LRRC69: variants seen among roughly 807,000 people sequenced by gnomAD.
The protein encoded by LRRC69 is leucine rich repeat containing 69.
A neutral mutation model predicts 37.8 loss-of-function variants in LRRC69; 42 were observed. The observed-to-expected ratio is 1.11, with a 90% CI of 0.87 to 1.44. The LOEUF (loss-of-function observed/expected upper bound fraction) is 1.44. Ranked by LOEUF, LRRC69 falls within the 40% of genes most tolerant of loss-of-function variation. LRRC69 has a pLI of 0.00. For synonymous variants in LRRC69, 141 were observed against 143.1 expected (o/e 0.99, Z 0.11); for missense variants, 357 against 401.9 (o/e 0.89, Z 0.96).
intron 5 of LRRC69, among the ~76,000 whole-genome samples, chr8:91,180,181 G>A (rs1809300191): frequency 6.6e-6 from 1 of 152,188 alleles, no homozygotes; most frequent in Non-Finnish European, 1.5e-5. Flanking sequence ...TTAGGAATCT[G>A]AGAGTATCTG....
At chr8:91,189,849 A>G (rs1301995720) in intron 6 of LRRC69, among the ~76,000 whole-genome samples, 1 of 152,154 alleles carries the variant, frequency 6.6e-6, no homozygotes, top group African/African-American at 2.4e-5. Context: ...AAATGGAAAT[A>G]TTTTGTAGGA....
At chr8:91,206,904 C>T in intron 7 of LRRC69, 1 of 1,167,468 alleles carries the variant, frequency 8.6e-7, no homozygotes, top group Middle Eastern at 2.3e-4. Context: ...GGAACTCATA[C>T]ATGTTATTCC....
intron 5 of LRRC69, among the ~76,000 whole-genome samples, chr8:91,140,976 G>C (rs1253931509): frequency 5.3e-5 from 8 of 151,812 alleles, no homozygotes; most frequent in Admixed American, 4.6e-4. Flanking sequence ...TTTAATCATT[G>C]GGTGTTCTTC....
Position 91,209,264 on chromosome 8 carries a change from TA to T in LRRC69, c.933+8477del, listed in dbSNP as rs560821206. 4.8e-4 allele frequency among the ~76,000 whole-genome samples: 72 copies of T among 151,114 alleles called. 2 individuals carry two copies. The South Asian group carries it at 0.014, about 30-fold the overall frequency. ...CAACATGGTGAAACCTCGTCTCTAC[TA>T]AAAACACAAAAAAATTAGCCAGACA... On this transcript the variant is annotated intron_variant, in intron 7 of 7. Coordinates refer to ENST00000448384, the Ensembl canonical transcript of LRRC69.
chr8:91,190,951 G>A (rs1809483078), intron 6 of LRRC69, among the ~76,000 whole-genome samples: 2 of 151,712 alleles, frequency 1.3e-5, no homozygotes, highest in Admixed American at 1.3e-4. Context: ...AGCTACTCAG[G>A]AGGCTTGAGC....
intron 7 of LRRC69, chr8:91,209,572 G>A (rs908747501): frequency 8.5e-5 from 13 of 152,248 alleles, no homozygotes; most frequent in African/African-American, 2.4e-4. Flanking sequence ...TTCTTTGGAC[G>A]TGAGGAAGGC....
At chr8:91,133,250 TGAA>T (rs1455521351) in exon 4 of LRRC69, 1 of 1,522,466 alleles carries the variant, frequency 6.6e-7, no homozygotes, top group Non-Finnish European at 8.8e-7. Flanking sequence ...ATTAAATTCT[TGAA>T]GAAGCTTCAG....
At chr8:91,210,020 G>A (rs573021315) in intron 7 of LRRC69, among the ~76,000 whole-genome samples, 4 of 152,242 alleles carry the variant, frequency 2.6e-5, no homozygotes, top group South Asian at 2.1e-4. Flanking sequence ...AAAATGTAAC[G>A]TTAGAAGCAT....
At chr8:91,206,770 G>C (rs1355180659) in intron 7 of LRRC69, 1 of 1,289,690 alleles carries the variant, frequency 7.8e-7, no homozygotes, top group Non-Finnish European at 1.0e-6. Context: ...TGCTAAATAT[G>C]TCACCTGGAA....
intron 4 of LRRC69, among the ~76,000 whole-genome samples, chr8:91,135,312 AGG>A (rs1204245535): frequency 6.6e-6 from 1 of 152,100 alleles, no homozygotes; most frequent in Non-Finnish European, 1.5e-5. Flanking sequence ...GTATGACTTA[AGG>A]GCTTCTATTA....
chr8:91,200,663 C>T lies in LRRC69; in HGVS notation c.804C>T (p.Phe268=), dbSNP rs561654815. ...ATCAGCTAGCAGAAAATAACCCTTTCCTAATGGATGACATAGAACGGTACC... is the reference window on the plus strand; with the variant it reads ...ATCAGCTAGCAGAAAATAACCCTTTTCTAATGGATGACATAGAACGGTACC... The change falls in exon 7 of 8, where the codon TTC becomes TTT. Residue 268 remains phenylalanine, a synonymous_variant. Transcript: ENST00000448384. 12 of 1,474,786 alleles carry T rather than the reference C, an allele frequency of 8.1e-6. No individual in the cohort carries two copies. In the East Asian group the frequency reaches 2.2e-4, roughly 27 times the overall value. 91.4% of individuals were successfully genotyped at this position (1,474,786 alleles called of 1,614,324 possible).
At chr8:91,204,491 C>G (rs1161639079) in intron 7 of LRRC69, among the ~76,000 whole-genome samples, 5 of 152,186 alleles carry the variant, frequency 3.3e-5, no homozygotes, top group Non-Finnish European at 7.3e-5. Context: ...TGGCTGCCTT[C>G]AGGCACACTG....
intron 5 of LRRC69, among the ~76,000 whole-genome samples, chr8:91,165,065 G>C (rs1809004914): frequency 6.6e-6 from 1 of 151,576 alleles, no homozygotes; most frequent in Non-Finnish European, 1.5e-5. Flanking sequence ...GGGAAGGTTG[G>C]TGAATAGACA....
chr8:91,123,688 C>A (rs1813668919), intron 1 of LRRC69, among the ~76,000 whole-genome samples: 1 of 151,798 alleles, frequency 6.6e-6, no homozygotes, highest in East Asian at 1.9e-4. Flanking sequence ...GGTAATTAAA[C>A]CTGAATAGTA....
intron 1 of LRRC69, among the ~76,000 whole-genome samples, chr8:91,123,620 A>G (rs1209665561): frequency 6.6e-6 from 1 of 151,992 alleles, no homozygotes; most frequent in Non-Finnish European, 1.5e-5. Flanking sequence ...TAGTTTGTTA[A>G]AACTTCCAAG....
intron 1 of LRRC69, among the ~76,000 whole-genome samples, chr8:91,107,334 C>T (rs960928245): frequency 3.8e-4 from 58 of 151,342 alleles, no homozygotes; most frequent in African/African-American, 1.3e-3. Flanking sequence ...GACGGGGTTT[C>T]GCCATGTTAG....
At chr8:91,133,333 T>C in intron 4 of LRRC69, 28 bp downstream of exon 4, 2 of 1,463,446 alleles carry the variant, frequency 1.4e-6, no homozygotes, top group Non-Finnish European at 1.8e-6. Context: ...CCACAGTAGT[T>C]TGCTGTTGGA....
chr8:91,214,969 T>C (rs367599497), intron 7 of LRRC69, among the ~76,000 whole-genome samples: 184 of 152,192 alleles, frequency 1.2e-3, no homozygotes, highest in African/African-American at 4.2e-3. Context: ...CATTGGCTCA[T>C]GGTTCCTTTC....
intron 6 of LRRC69, among the ~76,000 whole-genome samples, chr8:91,195,500 A>AG (rs1466385880): frequency 6.6e-6 from 1 of 151,404 alleles, no homozygotes; most frequent in African/African-American, 2.4e-5. Context: ...TAGGTCACTC[A>AG]GGACTTGCTT....
Sources: gnomAD v4.1 joint callset for allele counts (sites outside exome capture counted in the v4.1 genomes callset) on GRCh38, gnomAD v4.1.1 for gene constraint, MANE v1.5 for transcripts, NCBI Gene and HGNC (gene_info 2026-07-23, HGNC 2026-07-21) for gene names.